DLC1: variants seen among roughly 807,000 people sequenced by gnomAD.
DLC1 encodes the protein rho GTPase-activating protein 7.
DLC1 carries 54 observed loss-of-function variants against 140.3 expected under a neutral mutation model. The ratio of observed to expected loss-of-function variants is 0.38; its 90% CI spans 0.31 to 0.48. DLC1 has a LOEUF of 0.48. DLC1 is among the 20% of genes least tolerant of loss of function. The probability of loss-of-function intolerance (pLI) is 0.96; values close to 1 mark genes in which losing one functional copy is unlikely to be tolerated. For synonymous variants in DLC1, 986 were observed against 728.1 expected (o/e 1.35, Z -5.70); for missense variants, 2,536 against 1,907.0 (o/e 1.33, Z -6.14).
chr8:13,455,432 C>T (rs892341239), intron 2 of DLC1, among the ~76,000 whole-genome samples: 1 of 152,114 alleles, frequency 6.6e-6, no homozygotes, highest in African/African-American at 2.4e-5. Flanking sequence ...TGGCTCATCT[C>T]GTGGCCTTAA....
chr8:13,237,159 A>G (rs1466427081), intron 5 of DLC1, among the ~76,000 whole-genome samples: 2 of 151,020 alleles, frequency 1.3e-5, no homozygotes, highest in Non-Finnish European at 2.9e-5. Flanking sequence ...AAAAATATAC[A>G]CAATGATCCT....
rs773232276 is a variant in DLC1, at chr8:13,102,791, C to T, written c.1565G>A (p.Arg522Gln). The T allele has an allele frequency of 7.4e-6, 12 of 1,613,628 alleles. No individual in the cohort carries two copies. Among genetic ancestry groups the T allele is most frequent in the East Asian group, 2.2e-5 (1 of 44,844 alleles). The change falls in exon 8 of 18, where the codon CGA becomes CAA. Residue 522 changes from arginine (R) to glutamine (Q), a missense_variant and splice_region_variant. Coordinates refer to ENST00000276297, the MANE Select transcript of DLC1 (RefSeq NM_182643.3). Reference protein sequence around the residue: ...MKLEISPHRKRSDDSDEDEPC... With the variant: ...MKLEISPHRKQSDDSDEDEPC... The stretch of plus-strand genomic sequence containing the variant: ...CTATTATGCAATTTGTATACTCACT[C>T]GTTTCCGATGAGGACTAATTTCTAG...
chr8:13,356,068 T>G (rs1372793494), intron 4 of DLC1, among the ~76,000 whole-genome samples: 1 of 104,904 alleles, frequency 9.5e-6, no homozygotes, highest in Non-Finnish European at 1.7e-5. Context: ...GCAGCCTGAG[T>G]GACAGAGCAA....
chr8:13,096,738 G>C (rs1818527338), intron 10 of DLC1, among the ~76,000 whole-genome samples: 1 of 152,220 alleles, frequency 6.6e-6, no homozygotes, highest in South Asian at 2.1e-4. Context: ...GTCCTAAGGA[G>C]AGGAGGAGCT....
chr8:13,214,774 G>T, intron 5 of DLC1: 1 of 780,712 alleles, frequency 1.3e-6, no homozygotes, highest in Admixed American at 1.7e-5. Flanking sequence ...TGATTTTACC[G>T]CTGCTGGGTT....
chr8:13,243,905 C>G (rs1277022529), intron 5 of DLC1, among the ~76,000 whole-genome samples: 1 of 152,144 alleles, frequency 6.6e-6, no homozygotes, highest in Non-Finnish European at 1.5e-5. Flanking sequence ...AGTTTAGACT[C>G]ATATATGCAC....
chr8:13,531,676 A>T (rs77969502), intron 1 of DLC1, among the ~76,000 whole-genome samples: 4,992 of 152,196 alleles, frequency 0.033, 269 homozygotes, highest in African/African-American at 0.11. Context: ...TTGAGGAATT[A>T]TTTCTTCTCT....
chr8:13,602,984 ATG>A (rs2117506474), intron 1 of DLC1, among the ~76,000 whole-genome samples: 1 of 152,028 alleles, frequency 6.6e-6, no homozygotes, highest in South Asian at 2.1e-4. Context: ...CTTATTTTGG[ATG>A]TCAGGTAATA....
intron 1 of DLC1, among the ~76,000 whole-genome samples, chr8:13,540,319 G>A (rs1173388970): frequency 6.6e-6 from 1 of 152,094 alleles, no homozygotes; most frequent in Admixed American, 6.6e-5. Context: ...ATACTGTTAT[G>A]TTTAAAAATG....
intron 4 of DLC1, among the ~76,000 whole-genome samples, chr8:13,354,661 C>T (rs916212118): frequency 2.6e-5 from 4 of 151,652 alleles, no homozygotes; most frequent in African/African-American, 4.8e-5. Flanking sequence ...AATTTTAAAT[C>T]GGGTCAGGTG....
chr8:13,468,137 G>A (rs923513187), intron 2 of DLC1, among the ~76,000 whole-genome samples: 3 of 151,900 alleles, frequency 2.0e-5, no homozygotes, highest in Non-Finnish European at 2.9e-5. Flanking sequence ...AAACACTTTC[G>A]GAAAAAGTGT....
Position 13,094,792 on chromosome 8 carries a change from T to G in DLC1, c.3493A>C (p.Lys1165Gln), listed in dbSNP as rs371531369. Residue 1165 changes from lysine (K) to glutamine (Q), a missense_variant, in exon 12 of 18, where the codon AAA becomes CAA. Lys to Gln is a moderately conservative substitution (Grantham distance 53). Coordinates refer to ENST00000276297, the MANE Select transcript of DLC1 (RefSeq NM_182643.3). ...RDLPEPLMTN[K>Q]LSETFLQIYQ... Reference sequence around the variant, plus strand: ...ATCTGTAGAAAGGTTTCCGAGAGTTTGTTCGTCATTAGTGGCTCAGGAAGA... The same window carrying G: ...ATCTGTAGAAAGGTTTCCGAGAGTTGGTTCGTCATTAGTGGCTCAGGAAGA... 8 of 1,614,064 alleles carry G rather than the reference T, an allele frequency of 5.0e-6. No homozygotes were observed. Among genetic ancestry groups the G allele is most frequent in the Non-Finnish European group, 6.8e-6 (8 of 1,180,028 alleles).
chr8:13,557,467 C>T (rs1804088157), intron 1 of DLC1, among the ~76,000 whole-genome samples: 1 of 152,208 alleles, frequency 6.6e-6, no homozygotes, highest in Middle Eastern at 3.4e-3. Flanking sequence ...GGCTCTTTGT[C>T]CCTACCCAAA....
intron 5 of DLC1, among the ~76,000 whole-genome samples, chr8:13,298,876 T>C (rs1832069549): frequency 6.6e-6 from 1 of 152,174 alleles, no homozygotes; most frequent in South Asian, 2.1e-4. Context: ...AAGTTGAAAC[T>C]ATTTTTTTAA....
intron 2 of DLC1, among the ~76,000 whole-genome samples, chr8:13,474,520 C>G (rs1007552601): frequency 2.0e-5 from 3 of 152,110 alleles, no homozygotes; most frequent in Non-Finnish European, 1.5e-5. Context: ...CCTCCAGACC[C>G]CAGAATGGTA....
intron 11 of DLC1, 31 bp downstream of exon 11, chr8:13,095,055 G>C (rs993747262): frequency 5.0e-6 from 8 of 1,613,692 alleles, no homozygotes; most frequent in Non-Finnish European, 6.8e-6. Context: ...GAGCTCCCCT[G>C]AGTACGTGGA....
At chr8:13,314,594 G>C (rs1207299110) in intron 4 of DLC1, among the ~76,000 whole-genome samples, 1 of 151,948 alleles carries the variant, frequency 6.6e-6, no homozygotes, top group Admixed American at 6.6e-5. Context: ...ATAATTCAAT[G>C]CCTGCATGTT....
chr8:13,356,730 T>G (rs958895692), intron 4 of DLC1, among the ~76,000 whole-genome samples: 8 of 152,184 alleles, frequency 5.3e-5, no homozygotes, highest in Non-Finnish European at 1.2e-4. Flanking sequence ...CCAAATTTCA[T>G]TTCTGAAAGC....
chr8:13,458,682 C>G (rs979200624), intron 2 of DLC1, among the ~76,000 whole-genome samples: 4 of 152,082 alleles, frequency 2.6e-5, no homozygotes, highest in African/African-American at 9.7e-5. Flanking sequence ...GAAAATACTT[C>G]AAATAACCTT....
Sources: gnomAD v4.1 joint callset for allele counts (sites outside exome capture counted in the v4.1 genomes callset) on GRCh38, gnomAD v4.1.1 for gene constraint, MANE v1.5 for transcripts, NCBI Gene and HGNC (gene_info 2026-07-23, HGNC 2026-07-21) for gene names.